Variants in MOCOS observed in about 807,000 individuals in gnomAD.
MOCOS encodes the protein molybdenum cofactor sulfurase, also known as human molybdenum cofactor sulfurase.
A neutral mutation model predicts 83.6 loss-of-function variants in MOCOS; 86 were observed. The observed-to-expected ratio is 1.03, with a 90% confidence interval of 0.86 to 1.23. The LOEUF (loss-of-function observed/expected upper bound fraction) is 1.23. MOCOS is among the 50% of genes most tolerant of loss of function. The probability of loss-of-function intolerance (pLI) is 0.00; values close to 1 mark genes in which losing one functional copy is unlikely to be tolerated. For missense variants in MOCOS, 1,120 were observed against 1,126.9 expected, an observed-to-expected ratio of 0.99 and a Z score of 0.09; for synonymous variants, 445 against 434.7, an observed-to-expected ratio of 1.02 and a Z score of -0.29.
chr18:36,244,909 T>C (rs1263184185), intron 9 of MOCOS, among the ~76,000 whole-genome samples: 1 of 152,204 alleles, frequency 6.6e-6, no homozygotes, highest in Non-Finnish European at 1.5e-5. Flanking sequence ...CTGTTGTTGC[T>C]TTAAAGTTTG....
In MOCOS at chr18:36,237,799, A is replaced by T. The variant is rs544151276; in HGVS notation, c.1961-11123A>T. ...GGTTGGTAAGCTATTGATTATTGCCACAATTTCAGCTCCTGTTATTGGTCT... is the reference window on the plus strand; with the variant it reads ...GGTTGGTAAGCTATTGATTATTGCCTCAATTTCAGCTCCTGTTATTGGTCT... On this transcript the variant is annotated intron_variant, in intron 9 of 14. Coordinates refer to ENST00000261326, the MANE Select transcript of MOCOS (RefSeq NM_017947.4). Among the ~76,000 whole-genome samples the T allele has an allele frequency of 1.7e-4, 26 of 149,876 alleles. 1 individual carries two copies. The East Asian group carries it at 3.7e-3, about 21-fold the overall frequency.
intron 4 of MOCOS, among the ~76,000 whole-genome samples, chr18:36,201,222 G>A (rs1023544020): frequency 6.6e-6 from 1 of 152,216 alleles, no homozygotes; most frequent in East Asian, 1.9e-4. Flanking sequence ...GGTCCTGCAC[G>A]TAGGGCCATG....
Position 36,271,259 on chromosome 18 carries a change from A to C in MOCOS, c.*2574A>C, listed in dbSNP as rs1454525891. On this transcript the variant is annotated 3_prime_UTR_variant, in exon 15 of 15. Transcript: ENST00000261326. ...GCTCCATGAGGACAAGTCCTGTGCC[A>C]GTATATCTCTAGTGTCAGCAGACAA... 6.6e-6 allele frequency: 1 copy of C among 152,224 alleles called. No homozygotes were observed. Among genetic ancestry groups the C allele is most frequent in the Non-Finnish European group, 1.5e-5 (1 of 68,036 alleles). 9.4% of individuals were successfully genotyped at this position (152,224 alleles called of 1,614,324 possible).
intron 12 of MOCOS, among the ~76,000 whole-genome samples, chr18:36,257,422 CCT>C (rs1380202577): frequency 6.6e-6 from 1 of 152,258 alleles, no homozygotes; most frequent in South Asian, 2.1e-4. Flanking sequence ...CCCACTATCC[CCT>C]GTCCCCGAGG....
chr18:36,220,290 A>C, intron 9 of MOCOS, 73 bp downstream of exon 9: 1 of 1,570,104 alleles, frequency 6.4e-7, no homozygotes, highest in Non-Finnish European at 8.7e-7. Flanking sequence ...ATACTCTACC[A>C]AGTGTTAGAA....
chr18:36,239,647 C>T (rs1224716429), intron 9 of MOCOS, among the ~76,000 whole-genome samples: 31 of 145,928 alleles, frequency 2.1e-4, no homozygotes, highest in Admixed American at 1.3e-3. Context: ...ATCTTTGTGG[C>T]GTTCTCCGTA....
At chr18:36,241,522 G>A (rs374737464) in intron 9 of MOCOS, among the ~76,000 whole-genome samples, 7 of 152,208 alleles carry the variant, frequency 4.6e-5, no homozygotes, top group African/African-American at 1.7e-4. Context: ...GAAGTTGAGT[G>A]ATGGGGCTTT....
At position 36,245,328 on chromosome 18, in the gene MOCOS, C is replaced by T. The variant is rs78555246; in HGVS notation, c.1961-3594C>T. ...TTTTTGTAGTGCTGGATTGTAGTCA[C>T]AAATTTTGTCAGCATTTCTTTTTCT... On this transcript the variant is annotated intron_variant, in intron 9 of 14. Transcript: ENST00000261326. Among the ~76,000 whole-genome samples, 363 of 151,208 alleles carry T rather than the reference C, an allele frequency of 2.4e-3. 2 individuals carry two copies. Among genetic ancestry groups the T allele is most frequent in the African/African-American group, 8.5e-3 (351 of 41,372 alleles).
chr18:36,268,581 C>A lies in MOCOS; in HGVS notation c.2563C>A (p.Pro855Thr). ...GCATGCATCATTGGATTTATCCTCC[C>A]CATGTTTCCTGTCTGTAGGATCTCA... ...LMHASLDLSS[P>T]CFLSVGSQVL... The change falls in exon 15 of 15, where the codon CCA becomes ACA. Residue 855 changes from proline to threonine, a missense_variant. Pro to Thr is a conservative substitution (Grantham distance 38). Coordinates refer to ENST00000261326, the MANE Select transcript of MOCOS (RefSeq NM_017947.4). 1 of 1,614,070 alleles carries A rather than the reference C, an allele frequency of 6.2e-7. No homozygotes were observed. The highest frequency in any genetic ancestry group is 8.5e-7 in the Non-Finnish European group (1 of 1,180,018).
At chr18:36,189,419 A>C (rs2091356297) in intron 1 of MOCOS, among the ~76,000 whole-genome samples, 1 of 152,106 alleles carries the variant, frequency 6.6e-6, no homozygotes, top group South Asian at 2.1e-4. Flanking sequence ...GAACATGTCC[A>C]CTTGTTTTTC....
At chr18:36,214,366 TAAC>T (rs541015033) in intron 7 of MOCOS, among the ~76,000 whole-genome samples, 50 of 152,242 alleles carry the variant, frequency 3.3e-4, no homozygotes, top group African/African-American at 1.2e-3. Context: ...GGAGGGGTGT[TAAC>T]AAGGGATGTG....
chr18:36,248,935 A>G lies in MOCOS; in HGVS notation c.1974A>G (p.Ile658Met). The change falls in exon 10 of 15, where the codon ATA becomes ATG. Residue 658 changes from isoleucine to methionine, a missense_variant. Ile to Met is a conservative substitution (Grantham distance 10). Transcript: ENST00000261326. ...MVIKAKGMEPIEVPLEENSER... is the reference protein window; with the variant it reads ...MVIKAKGMEPMEVPLEENSER... ...TTTGTTCATTAGGGATGGAGCCTAT[A>G]GAGGTGCCTCTTGAGGAAAATAGTG... is the stretch of plus-strand genomic sequence containing the variant. 6 of 1,613,714 alleles carry G rather than the reference A, an allele frequency of 3.7e-6. No homozygotes were observed. The highest frequency in any genetic ancestry group is 4.2e-6 in the Non-Finnish European group (5 of 1,179,600).
At chr18:36,248,462 A>G (rs1223536330) in intron 9 of MOCOS, among the ~76,000 whole-genome samples, 2 of 152,030 alleles carry the variant, frequency 1.3e-5, no homozygotes, top group Admixed American at 6.5e-5. Flanking sequence ...CTGTTTCTCT[A>G]TTTTGGCTTT....
chr18:36,199,787 C>T lies in MOCOS; in HGVS notation c.404C>T (p.Ser135Phe). The T allele has an allele frequency of 6.2e-7, 1 of 1,614,122 alleles. No individual in the cohort carries two copies. Among genetic ancestry groups the T allele is most frequent in the South Asian group, 1.1e-5 (1 of 91,080 alleles). ...KLVAEAFPWV[S>F]QGPESSGSRF... ...GTGGCAGAGGCCTTTCCATGGGTGT[C>T]CCAGGGCCCAGAGAGCAGTGGGAGT... Residue 135 changes from serine to phenylalanine, a missense_variant, in exon 4 of 15, where the codon TCC becomes TTC. Transcript: ENST00000261326.
At chr18:36,207,824 T>A (rs2091440227) in intron 6 of MOCOS, among the ~76,000 whole-genome samples, 1 of 152,182 alleles carries the variant, frequency 6.6e-6, no homozygotes, top group Non-Finnish European at 1.5e-5. Context: ...AATTTTTCCT[T>A]TTGTTGCAAT....
In MOCOS at chr18:36,271,417, A is replaced by AT. The variant is rs2091698713; in HGVS notation, c.*2733dup. ...ATTTTTTCTTTAGTGTCTACCTTCA[A>AT]TATTTCTTGTATGAAGTTTCAGCTA... On this transcript the variant is annotated 3_prime_UTR_variant, in exon 15 of 15. Coordinates refer to ENST00000261326, the MANE Select transcript of MOCOS (RefSeq NM_017947.4). 6.6e-6 allele frequency: 1 copy of AT among 152,096 alleles called. No individual in the cohort carries two copies. Among genetic ancestry groups the AT allele is most frequent in the Admixed American group, 6.6e-5 (1 of 15,266 alleles). The allele number at this position is 152,096 out of a possible 1,614,324, so 9.4% of individuals were successfully genotyped here. A position where few individuals can be genotyped will look rare whatever the true frequency, so the allele number is the denominator to read the frequency against.
At chr18:36,265,950 C>T (rs930277669) in intron 13 of MOCOS, among the ~76,000 whole-genome samples, 2 of 152,142 alleles carry the variant, frequency 1.3e-5, no homozygotes, top group South Asian at 2.1e-4. Flanking sequence ...CACTATATGA[C>T]GTTAATGATG....
At chr18:36,190,881 A>T (rs2091362278) in intron 1 of MOCOS, among the ~76,000 whole-genome samples, 1 of 151,984 alleles carries the variant, frequency 6.6e-6, no homozygotes, top group Non-Finnish European at 1.5e-5. Flanking sequence ...CTAAAAATAT[A>T]AAAAAATTAG....
chr18:36,197,696 C>A (rs2091394868), intron 2 of MOCOS, among the ~76,000 whole-genome samples: 1 of 152,004 alleles, frequency 6.6e-6, no homozygotes, highest in Admixed American at 6.5e-5. Context: ...GCCCTTGAGC[C>A]CAGGAATTCA....
Sources: allele counts gnomAD v4.1 joint callset (sites outside exome capture counted in the v4.1 genomes callset), GRCh38; gene constraint gnomAD v4.1.1; transcripts MANE v1.5; gene names NCBI Gene and HGNC (gene_info 2026-07-23, HGNC 2026-07-21).